Variants in NEDD9 observed in about 807,000 individuals in gnomAD.
NEDD9 encodes the protein enhancer of filamentation 1.
A neutral mutation model predicts 76.6 loss-of-function variants in NEDD9; 26 were observed. That is an observed-to-expected ratio of 0.34 (90% CI 0.25 to 0.47). NEDD9 has a LOEUF of 0.47. Among genes scored for constraint, NEDD9 ranks in the 20% least tolerant of loss-of-function variants. The pLI, the probability that NEDD9 is intolerant of heterozygous loss-of-function variation, is 1.00. For missense variants in NEDD9, 937 were observed against 1,058.5 expected (o/e 0.89, Z 1.59); for synonymous variants, 392 against 414.2 (o/e 0.95, Z 0.65).
intron 1 of NEDD9, among the ~76,000 whole-genome samples, chr6:11,228,045 A>G (rs1431907413): frequency 6.6e-6 from 1 of 151,020 alleles, no homozygotes; most frequent in Non-Finnish European, 1.5e-5. Flanking sequence ...AATGTGCATT[A>G]AAAGTGTCAC....
chr6:11,223,915 T>A (rs1759226739), intron 1 of NEDD9, among the ~76,000 whole-genome samples: 1 of 152,212 alleles, frequency 6.6e-6, no homozygotes, highest in African/African-American at 2.4e-5. Flanking sequence ...GGAGATGGGA[T>A]AATGCCTTCG....
chr6:11,242,352 A>G (rs558887378), intron 3 of NEDD9, among the ~76,000 whole-genome samples: 1 of 152,274 alleles, frequency 6.6e-6, no homozygotes, highest in South Asian at 2.1e-4. Flanking sequence ...CGATGTAGAC[A>G]AGGGAGTGTT....
upstream of NEDD9, among the ~76,000 whole-genome samples, chr6:11,234,207 AT>A (rs1759554457): frequency 6.6e-6 from 1 of 152,204 alleles, no homozygotes; most frequent in Admixed American, 6.5e-5. Context: ...CTGAACACAA[AT>A]TAAGCACGCA....
chr6:11,326,952 G>A (rs940823892), intron 2 of NEDD9, among the ~76,000 whole-genome samples: 4 of 152,246 alleles, frequency 2.6e-5, no homozygotes, highest in Non-Finnish European at 5.9e-5. Context: ...GAAAGAGGTA[G>A]AGTTGTGTGG....
intron 2 of NEDD9, chr6:11,200,212 T>A: frequency 2.3e-6 from 1 of 436,040 alleles, no homozygotes; most frequent in Admixed American, 2.5e-5. Flanking sequence ...CACCCCCGAC[T>A]TTGGGTTGGA....
At chr6:11,295,815 C>G (rs1760875303) in intron 3 of NEDD9, among the ~76,000 whole-genome samples, 1 of 152,180 alleles carries the variant, frequency 6.6e-6, no homozygotes, top group African/African-American at 2.4e-5. Flanking sequence ...CAATCTCCAT[C>G]TCAAAATTTG....
chr6:11,354,319 C>G (rs1762526941), intron 1 of NEDD9, among the ~76,000 whole-genome samples: 2 of 152,214 alleles, frequency 1.3e-5, no homozygotes, highest in African/African-American at 4.8e-5. Context: ...TCACCAGCTC[C>G]TCACTCTCAG....
rs377013171 is a variant in NEDD9 at position 11,198,240 on chromosome 6, C to T, written c.460-4548G>A. The T allele has an allele frequency of 3.9e-5, 6 of 152,162 alleles. No homozygotes were observed. The highest frequency in any genetic ancestry group is 7.2e-5 in the African/African-American group (3 of 41,450). The allele number at this position is 152,162 out of a possible 1,614,324, so 9.4% of individuals were successfully genotyped here. On this transcript the variant is annotated intron_variant, in intron 2 of 6. Coordinates refer to ENST00000379446, the MANE Select transcript of NEDD9 (RefSeq NM_006403.4). The surrounding 1 kb of genome is among the most constrained non-coding windows in gnomAD (Gnocchi z 4.7). ...AACAGTGTCTTGGCCAAACTAAACG[C>T]GTCTTTGGCCTCCGGGCTGCCAGTC...
intron 3 of NEDD9, among the ~76,000 whole-genome samples, chr6:11,261,801 TC>T (rs1490238349): frequency 3.0e-5 from 4 of 132,502 alleles, no homozygotes; most frequent in Admixed American, 1.4e-4. Flanking sequence ...CTGCTAAAAT[TC>T]CCAAACAACT....
chr6:11,262,356 C>G (rs1230264105), intron 3 of NEDD9, among the ~76,000 whole-genome samples: 1 of 152,238 alleles, frequency 6.6e-6, no homozygotes, highest in African/African-American at 2.4e-5. Flanking sequence ...CAACATTCTA[C>G]TGGCCTAGCT....
intron 1 of NEDD9, among the ~76,000 whole-genome samples, chr6:11,337,681 C>T (rs1425829406): frequency 6.6e-6 from 1 of 152,208 alleles, no homozygotes; most frequent in Admixed American, 6.5e-5. Flanking sequence ...CCGTCCCTGG[C>T]TCTCAGTGCA....
At position 11,200,821 on chromosome 6, in the gene NEDD9, A is replaced by G; in HGVS notation, c.460-7129T>C. Reference sequence around the variant, plus strand: ...CAGTATTGGCATTATTACGGTTATCACCAGAGCAGCTCAAGACACGCCAAT... The same window carrying G: ...CAGTATTGGCATTATTACGGTTATCGCCAGAGCAGCTCAAGACACGCCAAT... On this transcript the variant is annotated intron_variant, in intron 2 of 6. Coordinates refer to ENST00000379446, the MANE Select transcript of NEDD9 (RefSeq NM_006403.4). 2.0e-6 allele frequency: 3 copies of G among 1,486,928 alleles called. No individual in the cohort carries two copies. In the South Asian group the frequency reaches 4.1e-5, roughly 20 times the overall value. The allele number at this position is 1,486,928 out of a possible 1,614,324, so 92.1% of individuals were successfully genotyped here.
chr6:11,189,932 G>GT (rs1561778763), intron 5 of NEDD9, 32 bp downstream of exon 5: 3 of 1,508,654 alleles, frequency 2.0e-6, no homozygotes, highest in Non-Finnish European at 2.7e-6. Flanking sequence ...ATGTGAGTGA[G>GT]TGTAGGTGTT....
At chr6:11,358,174 G>A (rs1275761265) in intron 1 of NEDD9, among the ~76,000 whole-genome samples, 5 of 146,110 alleles carry the variant, frequency 3.4e-5, no homozygotes, top group Admixed American at 7.2e-5. Flanking sequence ...GCTTGAATCC[G>A]GAAGGCGGAG....
intron 3 of NEDD9, among the ~76,000 whole-genome samples, chr6:11,283,396 AG>A (rs1180241664): frequency 6.6e-6 from 1 of 152,148 alleles, no homozygotes; most frequent in Non-Finnish European, 1.5e-5. Flanking sequence ...CCATGGTGAG[AG>A]GGTGGTCAGG....
At chr6:11,294,314 C>T (rs746307808) in intron 3 of NEDD9, among the ~76,000 whole-genome samples, 1 of 152,090 alleles carries the variant, frequency 6.6e-6, no homozygotes, top group Non-Finnish European at 1.5e-5. Context: ...ACCCAAATCT[C>T]ATGTTGAATT....
chr6:11,346,978 C>T (rs1762376066), intron 1 of NEDD9, among the ~76,000 whole-genome samples: 1 of 152,132 alleles, frequency 6.6e-6, no homozygotes, highest in Non-Finnish European at 1.5e-5. Context: ...ACCCCTTCCC[C>T]TCATCCTTCA....
At chr6:11,251,420 T>C (rs890092975) in intron 3 of NEDD9, 1 of 152,132 alleles carries the variant, frequency 6.6e-6, no homozygotes, top group Non-Finnish European at 1.5e-5. Context: ...GCAGAGGAAA[T>C]TGACAACCTC....
chr6:11,193,679 A>T lies in NEDD9; in HGVS notation c.473T>A (p.Val158Glu). ...GTATACGTAGCCATGGCCTGTCCTC[A>T]CGGGGGTTATCACCTGTGGGAGAGA... ...PHVGKKVITP[V>E]RTGHGYVYEY... Residue 158 changes from valine to glutamate, a missense_variant, in exon 3 of 7, where the codon GTG (valine) becomes GAG (glutamate). By Grantham distance (121) the Val-to-Glu change is moderately radical (BLOSUM62 -2). Coordinates refer to ENST00000379446, the MANE Select transcript of NEDD9 (RefSeq NM_006403.4). The T allele has an allele frequency of 6.2e-7, 1 of 1,613,712 alleles. No individual in the cohort carries two copies. Among genetic ancestry groups the T allele is most frequent in the Non-Finnish European group, 8.5e-7 (1 of 1,179,734 alleles).
Sources: allele counts gnomAD v4.1 joint callset (sites outside exome capture counted in the v4.1 genomes callset), GRCh38; gene constraint gnomAD v4.1.1; non-coding constraint Gnocchi (gnomAD v3.1); transcripts MANE v1.5; gene names NCBI Gene and HGNC (gene_info 2026-07-23, HGNC 2026-07-21).